Variants in ZNF571 observed in about 807,000 individuals in gnomAD.
The protein encoded by ZNF571 is zinc finger protein 571.
In ZNF571, 4 loss-of-function variants were observed where a neutral mutation model predicts 7.7. The observed-to-expected ratio is 0.52, with a 90% confidence interval of 0.25 to 1.18. ZNF571 has a LOEUF of 1.18. Among genes scored for constraint, ZNF571 ranks in the 50% most tolerant of loss-of-function variants. The pLI is 0.14. For synonymous variants in ZNF571, 251 were observed against 232.4 expected (o/e 1.08, Z -0.73); for missense variants, 704 against 726.9 (o/e 0.97, Z 0.36).
At chr19:37,570,104 ACCAC>A (rs1417760070) in intron 3 of ZNF571, 1 of 152,116 alleles carries the variant, frequency 6.6e-6, no homozygotes, top group East Asian at 1.9e-4. Context: ...AAAAAGAATA[ACCAC>A]CCACCCTCCC....
At chr19:37,579,577 T>A (rs2043374256) in intron 3 of ZNF571, among the ~76,000 whole-genome samples, 1 of 152,154 alleles carries the variant, frequency 6.6e-6, no homozygotes, top group African/African-American at 2.4e-5. Flanking sequence ...TTTCACCGTA[T>A]AAAATAACTT....
At chr19:37,574,745 A>G (rs2043185847) in intron 3 of ZNF571, among the ~76,000 whole-genome samples, 1 of 152,198 alleles carries the variant, frequency 6.6e-6, no homozygotes, top group African/African-American at 2.4e-5. Flanking sequence ...TGATAGTTTC[A>G]ATAACCATCT....
At chr19:37,568,576 A>C (rs957092648) in intron 3 of ZNF571, among the ~76,000 whole-genome samples, 3 of 152,176 alleles carry the variant, frequency 2.0e-5, no homozygotes, top group Non-Finnish European at 2.9e-5. Context: ...TTAATCTAAT[A>C]TGATTCTGGG....
intron 3 of ZNF571, chr19:37,575,465 C>T (rs1192640935): frequency 6.6e-6 from 1 of 152,140 alleles, no homozygotes; most frequent in Non-Finnish European, 1.5e-5. Context: ...ATTCACAGTA[C>T]ATTCAGTCAA....
Position 37,565,196 on chromosome 19 carries a change from C to G in ZNF571, c.1232G>C (p.Arg411Thr). The change falls in exon 4 of 4, where the codon AGA (arginine) becomes ACA (threonine). Residue 411 changes from arginine to threonine, a missense_variant. Coordinates refer to ENST00000451802, the MANE Select transcript of ZNF571 (RefSeq NM_016536.5). The stretch of plus-strand genomic sequence containing the variant: ...GTAGGGCTTCTCTCCGGTATGAATT[C>G]TTTGATGTTGAATAAGATTAGAATT... ...ISNSNLIQHQRIHTGEKPYKC... is the reference protein window; with the variant it reads ...ISNSNLIQHQTIHTGEKPYKC... 2 of 1,613,514 alleles carry G rather than the reference C, an allele frequency of 1.2e-6. No individual in the cohort carries two copies. Among genetic ancestry groups the G allele is most frequent in the Non-Finnish European group, 1.7e-6 (2 of 1,179,842 alleles).
chr19:37,582,717 T>C (rs2043515604), intron 3 of ZNF571, among the ~76,000 whole-genome samples: 1 of 152,182 alleles, frequency 6.6e-6, no homozygotes, highest in South Asian at 2.1e-4. Flanking sequence ...ATTGCCAATC[T>C]TCAAAATAAC....
At chr19:37,575,529 G>A (rs2037973264) in intron 3 of ZNF571, 1 of 152,198 alleles carries the variant, frequency 6.6e-6, no homozygotes, top group Non-Finnish European at 1.5e-5. Flanking sequence ...TTAGTACTAA[G>A]CTTCAAGAAA....
At chr19:37,574,630 T>C (rs1029646161) in intron 3 of ZNF571, among the ~76,000 whole-genome samples, 1 of 152,210 alleles carries the variant, frequency 6.6e-6, no homozygotes. Context: ...CAGTTGTTCA[T>C]GGTTTATCAC....
At chr19:37,583,007 A>G (rs1426071583) in intron 3 of ZNF571, among the ~76,000 whole-genome samples, 2 of 152,310 alleles carry the variant, frequency 1.3e-5, no homozygotes, top group East Asian at 1.9e-4. Flanking sequence ...GTCCTACATG[A>G]TTTGACCTCT....
intron 2 of ZNF571, chr19:37,586,421 G>T: frequency 1.8e-6 from 1 of 550,722 alleles, no homozygotes; most frequent in Non-Finnish European, 3.2e-6. Context: ...TCAGAGCTCT[G>T]GGCAGAAGAC....
At position 37,586,507 on chromosome 19, in the gene ZNF571, A is replaced by G. The variant is rs2043678380; in HGVS notation, c.9+161T>C. 4.1e-6 allele frequency: 3 copies of G among 725,386 alleles called. No individual in the cohort carries two copies. In the Admixed American group the frequency reaches 7.4e-5, roughly 18 times the overall value. The allele number at this position is 725,386 out of a possible 1,614,324, so 44.9% of individuals were successfully genotyped here. A position where few individuals can be genotyped will look rare whatever the true frequency, so the allele number is the denominator to read the frequency against. On this transcript the variant is annotated intron_variant, in intron 2 of 3. Coordinates refer to ENST00000451802, the MANE Select transcript of ZNF571 (RefSeq NM_016536.5). Reference sequence around the variant, plus strand: ...GTTTGGAGAGGGGAAAAGCATTGAGAAGAATTGGGCTCTTTGCTACTATTA... The same window carrying G: ...GTTTGGAGAGGGGAAAAGCATTGAGGAGAATTGGGCTCTTTGCTACTATTA...
chr19:37,583,850 G>T, intron 3 of ZNF571, 121 bp downstream of exon 3: 1 of 989,346 alleles, frequency 1.0e-6, no homozygotes, highest in Non-Finnish European at 1.5e-6. Context: ...CGGTGGAGCT[G>T]TCCATTTCTA....
At chr19:37,578,575 G>T (rs1027854677) in intron 3 of ZNF571, among the ~76,000 whole-genome samples, 2 of 152,190 alleles carry the variant, frequency 1.3e-5, no homozygotes, top group Admixed American at 6.5e-5. Flanking sequence ...AGTGGAAGCC[G>T]CAGTCACAGT....
intron 3 of ZNF571, among the ~76,000 whole-genome samples, chr19:37,574,760 A>C (rs182517110): frequency 3.3e-5 from 5 of 152,276 alleles, no homozygotes; most frequent in Admixed American, 6.5e-5. Context: ...CCATCTCCTA[A>C]TGAAAGTATT....
At chr19:37,568,836 G>A (rs898568891) in intron 3 of ZNF571, among the ~76,000 whole-genome samples, 6 of 152,138 alleles carry the variant, frequency 3.9e-5, no homozygotes, top group African/African-American at 1.2e-4. Context: ...AAAAGGAGGA[G>A]TCATTTTAGG....
At chr19:37,580,306 G>A (rs1286890442) in intron 3 of ZNF571, among the ~76,000 whole-genome samples, 1 of 152,174 alleles carries the variant, frequency 6.6e-6, no homozygotes, top group African/African-American at 2.4e-5. Flanking sequence ...TTTCTAACAT[G>A]TTCTATCAAT....
At chr19:37,566,477 G>A (rs867802469) in intron 3 of ZNF571, 186 bp from the exon 4 acceptor site, 2 of 634,356 alleles carry the variant, frequency 3.2e-6, no homozygotes, top group Non-Finnish European at 5.0e-6. Flanking sequence ...GAGCTTATAG[G>A]AAAGAAGGTA....
chr19:37,568,461 G>T (rs1216105391), intron 3 of ZNF571, among the ~76,000 whole-genome samples: 1 of 151,988 alleles, frequency 6.6e-6, no homozygotes, highest in Non-Finnish European at 1.5e-5. Flanking sequence ...AGAAATCAAT[G>T]GGCTTATGGT....
chr19:37,590,330 C>A (rs944116229), intron 1 of ZNF571, among the ~76,000 whole-genome samples: 1 of 151,654 alleles, frequency 6.6e-6, no homozygotes, highest in Non-Finnish European at 1.5e-5. Context: ...GGCAGGAGAA[C>A]GGCGTGAACC....
Sources: gnomAD v4.1 joint callset for allele counts (sites outside exome capture counted in the v4.1 genomes callset) on GRCh38, gnomAD v4.1.1 for gene constraint, MANE v1.5 for transcripts, NCBI Gene and HGNC (gene_info 2026-07-23, HGNC 2026-07-21) for gene names.